RAB19: variants seen among roughly 807,000 people sequenced by gnomAD.
RAB19 encodes RAB19, member RAS oncogene family.
Under a neutral mutation model 17.3 loss-of-function variants are expected in RAB19, and 21 were observed. That is an observed-to-expected ratio of 1.21 (90% CI 0.86 to 1.74). The LOEUF (loss-of-function observed/expected upper bound fraction) is 1.74. RAB19 is among the 40% of genes most tolerant of loss of function. The pLI, the probability that RAB19 is intolerant of heterozygous loss-of-function variation, is 0.00. For missense variants in RAB19, 277 were observed against 286.8 expected (o/e 0.97, Z 0.25); for synonymous variants, 126 against 110.4 (o/e 1.14, Z -0.88).
At chr7:140,424,639 A>G (rs13312308) in intron 3 of RAB19, among the ~76,000 whole-genome samples, 60,761 of 138,140 alleles carry the variant, frequency 0.44, 13,344 homozygotes, top group African/African-American at 0.48. Flanking sequence ...ATATATATAT[A>G]TGTGTGTGTG....
At chr7:140,407,934 G>A (rs1799279244) in intron 2 of RAB19, 87 bp downstream of exon 2, 7 of 1,017,436 alleles carry the variant, frequency 6.9e-6, no homozygotes, top group Non-Finnish European at 9.7e-6. Context: ...GCGCGATCTC[G>A]GCTCACTGCA....
intron 3 of RAB19, among the ~76,000 whole-genome samples, chr7:140,414,989 C>G (rs1374217648): frequency 6.6e-6 from 1 of 152,068 alleles, no homozygotes; most frequent in Admixed American, 6.6e-5. Flanking sequence ...AGGTCCCAGC[C>G]CTGCTTTCTT....
At chr7:140,406,247 T>TAAA (rs1799238880) in intron 1 of RAB19, among the ~76,000 whole-genome samples, 1 of 30,632 alleles carries the variant, frequency 3.3e-5, no homozygotes, top group African/African-American at 1.7e-4. Context: ...AAACTCTGTC[T>TAAA]CAAAAAAAAA....
chr7:140,410,597 A>T (rs577403666), intron 2 of RAB19, among the ~76,000 whole-genome samples: 39 of 152,078 alleles, frequency 2.6e-4, no homozygotes, highest in African/African-American at 9.2e-4. Context: ...AAGTGCTGGG[A>T]TTACAGGCGT....
Position 140,426,326 on chromosome 7 carries a change from A to G in RAB19, c.*176A>G, listed in dbSNP as rs2130177461. On this transcript the variant is annotated 3_prime_UTR_variant, in exon 4 of 4. Coordinates refer to ENST00000537763, the MANE Select transcript of RAB19 (RefSeq NM_001008749.3). The stretch of plus-strand genomic sequence containing the variant: ...TCTCCCTTGACTCACACCACAGGTC[A>G]TAGCTGCTGACTCTCAGGAAAACCA... The G allele has an allele frequency of 1.5e-6, 1 of 666,928 alleles. No individual in the cohort carries two copies. The highest frequency in any genetic ancestry group is 2.4e-6 in the Non-Finnish European group (1 of 409,014). 41.3% of individuals were successfully genotyped at this position (666,928 alleles called of 1,614,324 possible).
intron 3 of RAB19, among the ~76,000 whole-genome samples, chr7:140,414,055 CT>C (rs201501601): frequency 0.014 from 2,161 of 152,048 alleles, 27 homozygotes; most frequent in South Asian, 0.032. Flanking sequence ...TACCTTCTCT[CT>C]TTTTTTGAGA....
chr7:140,405,899 C>T (rs545654161), intron 1 of RAB19, among the ~76,000 whole-genome samples: 10 of 151,822 alleles, frequency 6.6e-5, no homozygotes, highest in Non-Finnish European at 1.5e-4. Flanking sequence ...CAATGATATT[C>T]CCAGATAATT....
intron 2 of RAB19, 159 bp from the exon 3 acceptor site, chr7:140,411,715 A>G: frequency 6.8e-7 from 1 of 1,477,004 alleles, no homozygotes; most frequent in Non-Finnish European, 9.0e-7. Context: ...CCAGGGAGCA[A>G]CTGAAAGAAT....
chr7:140,409,357 C>T (rs563709958), intron 2 of RAB19, among the ~76,000 whole-genome samples: 1 of 151,810 alleles, frequency 6.6e-6, no homozygotes, highest in East Asian at 2.0e-4. Context: ...GAGTGAGACT[C>T]TGTCTCAAAA....
Position 140,425,995 on chromosome 7 carries a change from A to T in RAB19, c.499A>T (p.Asn167Tyr). The stretch of plus-strand genomic sequence containing the variant: ...GGAGACATCTGCCAAGGAGTCAAAG[A>T]ACATAGAAGAAGTCTTCGTGCTCAT... ...VLETSAKESK[N>Y]IEEVFVLMAK... is the part of the protein sequence containing the mutation. The change falls in exon 4 of 4, where the codon AAC (asparagine) becomes TAC (tyrosine). Residue 167 changes from asparagine (N) to tyrosine (Y), a missense_variant. By Grantham distance (143) the Asn-to-Tyr change is moderately radical. Coordinates refer to ENST00000537763, the MANE Select transcript of RAB19 (RefSeq NM_001008749.3). 1 of 1,614,164 alleles carries T rather than the reference A, an allele frequency of 6.2e-7. No individual in the cohort carries two copies. Among genetic ancestry groups the T allele is most frequent in the South Asian group, 1.1e-5 (1 of 91,084 alleles).
intron 3 of RAB19, among the ~76,000 whole-genome samples, chr7:140,416,878 C>G (rs1011752704): frequency 2.0e-5 from 3 of 151,930 alleles, no homozygotes; most frequent in African/African-American, 4.8e-5. Context: ...TTGCTTGATG[C>G]CAGGAGCTTG....
Position 140,413,747 on chromosome 7 carries a change from A to T in RAB19, c.385+1690A>T, listed in dbSNP as rs549129054. 4.5e-3 allele frequency among the ~76,000 whole-genome samples: 678 copies of T among 152,246 alleles called. 5 individuals are homozygous for T. The highest frequency in any genetic ancestry group is 7.9e-3 in the Non-Finnish European group (534 of 68,004). ...TAATAAAAGGCAACTGTTATGTCCT[A>T]GTAGAGCAAAGATGGGAGAGCTGTG... On this transcript the variant is annotated intron_variant, in intron 3 of 3. Transcript: ENST00000537763.
At chr7:140,406,104 G>A (rs977648528) in intron 1 of RAB19, among the ~76,000 whole-genome samples, 2 of 151,896 alleles carry the variant, frequency 1.3e-5, no homozygotes, top group Non-Finnish European at 2.9e-5. Context: ...TTAGCCAGGC[G>A]TGGTGGCAGG....
chr7:140,412,387 G>A (rs7800890), intron 3 of RAB19, among the ~76,000 whole-genome samples: 2,629 of 152,202 alleles, frequency 0.017, 73 homozygotes, highest in African/African-American at 0.059. Flanking sequence ...AGGAGGCAGA[G>A]GTTGCAGTGA....
intron 3 of RAB19, among the ~76,000 whole-genome samples, chr7:140,423,198 G>A (rs1799592725): frequency 6.6e-6 from 1 of 152,070 alleles, no homozygotes; most frequent in Non-Finnish European, 1.5e-5. Context: ...CCAACATTTT[G>A]GGAAGCCAAG....
intron 2 of RAB19, among the ~76,000 whole-genome samples, 176 bp downstream of exon 2, chr7:140,408,023 G>C (rs924953133): frequency 1.4e-5 from 2 of 147,998 alleles, no homozygotes; most frequent in Non-Finnish European, 3.0e-5. Context: ...AACTACAGGC[G>C]CCCGCCACCA....
At chr7:140,412,452 G>C (rs1403316041) in intron 3 of RAB19, among the ~76,000 whole-genome samples, 1 of 151,758 alleles carries the variant, frequency 6.6e-6, no homozygotes, top group Non-Finnish European at 1.5e-5. Context: ...ACTCCGTCGG[G>C]GGGAAAAAAA....
chr7:140,405,995 C>T (rs1004884733), intron 1 of RAB19, among the ~76,000 whole-genome samples: 4 of 151,842 alleles, frequency 2.6e-5, no homozygotes, highest in Admixed American at 6.6e-5. Flanking sequence ...GTAATCCCAA[C>T]ACTTTGGGAG....
At chr7:140,425,679 G>A (rs796708398) in intron 3 of RAB19, among the ~76,000 whole-genome samples, 2 of 151,678 alleles carry the variant, frequency 1.3e-5, no homozygotes, top group African/African-American at 4.8e-5. Flanking sequence ...AGCCAAGATT[G>A]CGCCATTGCA....
Sources: allele counts gnomAD v4.1 joint callset (sites outside exome capture counted in the v4.1 genomes callset), GRCh38; gene constraint gnomAD v4.1.1; transcripts MANE v1.5; gene names NCBI Gene and HGNC (gene_info 2026-07-23, HGNC 2026-07-21).